The following PDE1A variants were observed in gnomAD, a reference collection of about 807,000 sequenced individuals.
PDE1A encodes dual specificity calcium/calmodulin-dependent 3',5'-cyclic nucleotide phosphodiesterase 1A.
In PDE1A, 35 loss-of-function variants were observed where a neutral mutation model predicts 61.7. The observed-to-expected ratio is 0.57, with a 90% CI of 0.43 to 0.75. The LOEUF is 0.75. Ranked by LOEUF, PDE1A falls within the 30% of genes least tolerant of loss-of-function variation. PDE1A has a pLI of 0.00. For synonymous variants in PDE1A, 232 were observed against 213.2 expected (o/e 1.09, Z -0.77); for missense variants, 597 against 630.6 (o/e 0.95, Z 0.57).
chr2:182,184,846 T>C (rs1485900721), intron 13 of PDE1A, among the ~76,000 whole-genome samples: 1 of 152,158 alleles, frequency 6.6e-6, no homozygotes, highest in African/African-American at 2.4e-5. Flanking sequence ...ATATGGCAAG[T>C]GCTCCCACTT....
At chr2:182,475,261 G>A (rs1687280825) in intron 2 of PDE1A, among the ~76,000 whole-genome samples, 1 of 151,870 alleles carries the variant, frequency 6.6e-6, no homozygotes, top group South Asian at 2.1e-4. Context: ...ACCAAGATGA[G>A]TGCCATCTGG....
intron 1 of PDE1A, among the ~76,000 whole-genome samples, chr2:182,349,417 A>C (rs1427424984): frequency 1.3e-5 from 2 of 152,210 alleles, no homozygotes; most frequent in Non-Finnish European, 2.9e-5. Flanking sequence ...ATTGAATGGA[A>C]AAGCTTTTCA....
At position 182,438,438 on chromosome 2, in the gene PDE1A, A is replaced by G. The variant is rs200255407; in HGVS notation, c.101+83838T>C. Among the ~76,000 whole-genome samples the G allele has an allele frequency of 5.3e-5, 8 of 152,144 alleles. No individual in the cohort carries two copies. In the East Asian group the frequency reaches 1.4e-3, roughly 26 times the overall value. On this transcript the variant is annotated intron_variant, in intron 2 of 14. Transcript: ENST00000410103. ...ATTTTTAAATCTTGAAATATATTCT[A>G]TTTTTAAAAGTAATTTTAATACAAT...
rs767345729 is a variant in PDE1A, at chr2:182,387,757, T to TA, written c.53+38820dup. Among the ~76,000 whole-genome samples, 587 of 135,272 alleles carry TA rather than the reference T, an allele frequency of 4.3e-3. 8 individuals are homozygous for TA. The highest frequency in any genetic ancestry group is 0.014 in the African/African-American group (504 of 36,726). The allele number at this position is 135,272 out of a possible 152,430, so 88.7% of individuals were successfully genotyped here. ...GGGTGACAAGAGTAAAACTCCATCT[T>TA]AAAAAAAAAAAAGAAAGAAAAAAGA... On this transcript the variant is annotated intron_variant, in intron 1 of 13. Coordinates refer to ENST00000351439, the Ensembl canonical transcript of PDE1A.
chr2:182,176,883 T>C lies in PDE1A; in HGVS notation c.1517-8593A>G, dbSNP rs1256481710. Among the ~76,000 whole-genome samples, 3 of 149,778 alleles carry C rather than the reference T, an allele frequency of 2.0e-5. No individual in the cohort carries two copies. In the South Asian group the frequency reaches 6.4e-4, roughly 32 times the overall value. ...CCATCAATACCTAATTTATTGAGAGTTTTTAGCATGAAGAGTTGTTGAATT... is the reference window on the plus strand; with the variant it reads ...CCATCAATACCTAATTTATTGAGAGCTTTTAGCATGAAGAGTTGTTGAATT... On this transcript the variant is annotated intron_variant, in intron 13 of 13. Transcript: ENST00000351439.
At chr2:182,256,219 A>G (rs943719035) in intron 2 of PDE1A, among the ~76,000 whole-genome samples, 3 of 129,114 alleles carry the variant, frequency 2.3e-5, no homozygotes, top group East Asian at 2.2e-4. Context: ...ATATCTCCCC[A>G]TGCTATCCCT....
chr2:182,599,331 C>T, the PDE1A span, among the ~76,000 whole-genome samples: 1 of 152,140 alleles, frequency 6.6e-6, no homozygotes, highest in African/African-American at 2.4e-5. Flanking sequence ...TCCCTTATAC[C>T]ATGGTGGCCT....
chr2:182,141,548 A>G (rs1358042220), exon 15 of PDE1A: 2 of 152,344 alleles, frequency 1.3e-5, no homozygotes, highest in East Asian at 3.9e-4. Context: ...AGAACAATTA[A>G]AAGCATTTAT....
the PDE1A span, among the ~76,000 whole-genome samples, chr2:182,660,286 C>T: frequency 2.4e-4 from 37 of 152,142 alleles, 1 homozygote; most frequent in African/African-American, 6.3e-4. Context: ...TAAGATGATG[C>T]CATGAAACAA....
intron 2 of PDE1A, among the ~76,000 whole-genome samples, chr2:182,456,623 A>G (rs1028712606): frequency 5.3e-5 from 8 of 152,092 alleles, no homozygotes; most frequent in African/African-American, 1.9e-4. Flanking sequence ...ACATGCAGAG[A>G]AGGAGGGCAG....
intron 1 of PDE1A, among the ~76,000 whole-genome samples, chr2:182,354,850 T>C (rs561116358): frequency 6.6e-6 from 1 of 152,264 alleles, no homozygotes; most frequent in East Asian, 1.9e-4. Flanking sequence ...TATAGGTTTG[T>C]TGATCAGCTT....
chr2:182,468,400 T>A (rs1163257981), intron 2 of PDE1A, among the ~76,000 whole-genome samples: 1 of 151,956 alleles, frequency 6.6e-6, no homozygotes, highest in African/African-American at 2.4e-5. Flanking sequence ...CCTTTGCTCA[T>A]CCATAAAAAG....
At chr2:182,485,461 C>A (rs1687958313) in intron 2 of PDE1A, among the ~76,000 whole-genome samples, 1 of 151,814 alleles carries the variant, frequency 6.6e-6, no homozygotes, top group South Asian at 2.1e-4. Context: ...CAACAAACCC[C>A]CGTGACACAA....
At chr2:182,437,369 T>C (rs2125661015) in intron 2 of PDE1A, among the ~76,000 whole-genome samples, 1 of 152,046 alleles carries the variant, frequency 6.6e-6, no homozygotes, top group African/African-American at 2.4e-5. Flanking sequence ...AATTAATTGA[T>C]TAATTAAAAC....
At chr2:182,669,657 T>C in the PDE1A span, among the ~76,000 whole-genome samples, 3 of 152,254 alleles carry the variant, frequency 2.0e-5, no homozygotes, top group Admixed American at 2.0e-4. Flanking sequence ...ATTCTGTTTA[T>C]AATCCCTTGT....
downstream of PDE1A, among the ~76,000 whole-genome samples, chr2:182,163,674 C>A (rs1459408265): frequency 1.3e-5 from 2 of 152,118 alleles, no homozygotes; most frequent in African/African-American, 2.4e-5. Context: ...GAGAAAGAAG[C>A]ACAATTCCTA....
At chr2:182,303,003 T>C (rs1038020625) in intron 1 of PDE1A, among the ~76,000 whole-genome samples, 2 of 152,236 alleles carry the variant, frequency 1.3e-5, no homozygotes, top group Non-Finnish European at 2.9e-5. Context: ...CTTCTAATTC[T>C]AGTTCTCTTA....
At chr2:182,299,155 G>A (rs1695072870) in intron 1 of PDE1A, among the ~76,000 whole-genome samples, 1 of 151,838 alleles carries the variant, frequency 6.6e-6, no homozygotes, top group Non-Finnish European at 1.5e-5. Flanking sequence ...AAGGTGTGTT[G>A]GATACCAAGA....
intron 2 of PDE1A, among the ~76,000 whole-genome samples, chr2:182,488,704 A>G (rs1326347699): frequency 1.3e-5 from 2 of 152,238 alleles, no homozygotes; most frequent in Non-Finnish European, 2.9e-5. Flanking sequence ...ATTCTATTGT[A>G]ATTTGCCCAC....
Sources: allele counts gnomAD v4.1 joint callset (sites outside exome capture counted in the v4.1 genomes callset), GRCh38; gene constraint gnomAD v4.1.1; transcripts MANE v1.5; gene names NCBI Gene and HGNC (gene_info 2026-07-23, HGNC 2026-07-21).